PTPRG: variants seen among roughly 807,000 people sequenced by gnomAD.
PTPRG encodes protein tyrosine phosphatase receptor type G, also known as receptor-type tyrosine-protein phosphatase gamma.
PTPRG carries 102 observed loss-of-function variants against 165.3 expected under a neutral mutation model. The ratio of observed to expected loss-of-function variants is 0.62; its 90% CI spans 0.53 to 0.73. The LOEUF (loss-of-function observed/expected upper bound fraction) is 0.73, where lower values mean the gene tolerates loss of function less well. Ranked by LOEUF, PTPRG falls within the 30% of genes least tolerant of loss-of-function variation. PTPRG has a pLI of 0.00. For synonymous variants in PTPRG, 675 were observed against 669.5 expected (o/e 1.01, Z -0.13); for missense variants, 1,866 against 1,861.4 (o/e 1.00, Z -0.05).
rs1474311666 is a variant in PTPRG, at chr3:61,890,421, TTG to T, written c.191-99202_191-99201del. ...GGGTTTCTTGTTCTTTGTTTTTTTT[TTG>T]TTTTTTTTTTTTTTTAGGGTCAGGT... On this transcript the variant is annotated intron_variant, in intron 2 of 29. Coordinates refer to ENST00000474889, the MANE Select transcript of PTPRG (RefSeq NM_002841.4). Among the ~76,000 whole-genome samples the T allele has an allele frequency of 7.8e-4, 65 of 83,768 alleles. 2 individuals carry two copies. The East Asian group carries it at 0.016, about 21-fold the overall frequency. 55.0% of individuals were successfully genotyped at this position (83,768 alleles called of 152,430 possible).
At chr3:61,685,916 T>C (rs1159346921) in intron 1 of PTPRG, among the ~76,000 whole-genome samples, 1 of 152,162 alleles carries the variant, frequency 6.6e-6, no homozygotes, top group Non-Finnish European at 1.5e-5. Context: ...TGGCATATAA[T>C]GGTGTCAGAT....
chr3:61,821,488 A>G (rs2035956454), intron 2 of PTPRG, among the ~76,000 whole-genome samples: 1 of 152,134 alleles, frequency 6.6e-6, no homozygotes, highest in South Asian at 2.1e-4. Context: ...TCTTAAGTTG[A>G]CAGAAAAGGA....
chr3:61,783,598 G>T (rs1559609654), intron 2 of PTPRG, among the ~76,000 whole-genome samples: 1 of 152,162 alleles, frequency 6.6e-6, no homozygotes, highest in Non-Finnish European at 1.5e-5. Context: ...GGTTGAGGAG[G>T]GTTGAGATGG....
At chr3:62,012,713 A>G (rs1390874120) in intron 4 of PTPRG, among the ~76,000 whole-genome samples, 2 of 152,150 alleles carry the variant, frequency 1.3e-5, no homozygotes, top group African/African-American at 4.8e-5. Context: ...TCAGAGCTCA[A>G]AAAGTGTCAG....
chr3:61,568,719 C>T (rs142198882), intron 1 of PTPRG, among the ~76,000 whole-genome samples: 4 of 151,936 alleles, frequency 2.6e-5, no homozygotes, highest in Non-Finnish European at 5.9e-5. Context: ...ACCATCCTGG[C>T]CAATATAGTG....
At chr3:61,715,777 G>A (rs554830535) in intron 1 of PTPRG, among the ~76,000 whole-genome samples, 4 of 152,146 alleles carry the variant, frequency 2.6e-5, no homozygotes, top group South Asian at 2.1e-4. Context: ...AAAAGACAAC[G>A]ATGATGACAC....
intron 12 of PTPRG, among the ~76,000 whole-genome samples, chr3:62,206,121 T>G (rs1700224014): frequency 6.6e-6 from 1 of 152,122 alleles, no homozygotes; most frequent in Non-Finnish European, 1.5e-5. Context: ...TGCTGAGAGC[T>G]TAGGCTGGGA....
At chr3:61,651,797 G>A (rs1455605784) in intron 1 of PTPRG, among the ~76,000 whole-genome samples, 1 of 152,040 alleles carries the variant, frequency 6.6e-6, no homozygotes, top group African/African-American at 2.4e-5. Flanking sequence ...ATCACTTGAG[G>A]TCAGGAATTT....
chr3:61,873,133 G>T (rs1318451185), intron 2 of PTPRG, among the ~76,000 whole-genome samples: 1 of 152,100 alleles, frequency 6.6e-6, no homozygotes, highest in Non-Finnish European at 1.5e-5. Flanking sequence ...GTTAGGATCA[G>T]GTAATTTCAT....
At chr3:62,111,461 C>G (rs966732783) in intron 5 of PTPRG, among the ~76,000 whole-genome samples, 1 of 152,192 alleles carries the variant, frequency 6.6e-6, no homozygotes, top group African/African-American at 2.4e-5. Context: ...ATTTTCTTTT[C>G]TGTTTAGAGA....
intron 1 of PTPRG, among the ~76,000 whole-genome samples, chr3:61,661,983 G>C (rs1477074539): frequency 6.6e-6 from 1 of 152,096 alleles, no homozygotes; most frequent in Non-Finnish European, 1.5e-5. Context: ...TGTTGGTGTA[G>C]CTAGCGTGTT....
intron 2 of PTPRG, among the ~76,000 whole-genome samples, chr3:61,854,693 G>T (rs918989180): frequency 3.9e-5 from 6 of 152,152 alleles, no homozygotes; most frequent in African/African-American, 1.4e-4. Flanking sequence ...TTTCCCGTAA[G>T]AAGAGCAGTC....
chr3:61,850,176 T>G lies in PTPRG; in HGVS notation c.190+101194T>G, dbSNP rs1228552785. On this transcript the variant is annotated intron_variant, in intron 2 of 29. Transcript: ENST00000474889. ...TTTATTTATTTATTTTTATTTTTTA[T>G]TTTTGAAACCGAGTCTTGCTCTTTC... Among the ~76,000 whole-genome samples, 6 of 152,112 alleles carry G rather than the reference T, an allele frequency of 3.9e-5. No individual in the cohort carries two copies. In the East Asian group the frequency reaches 1.2e-3, roughly 29 times the overall value.
intron 2 of PTPRG, among the ~76,000 whole-genome samples, chr3:61,783,846 A>G (rs1239242438): frequency 6.6e-6 from 1 of 152,134 alleles, no homozygotes; most frequent in Non-Finnish European, 1.5e-5. Context: ...CCTTCATGCC[A>G]AGTTTTGGAC....
At chr3:62,106,401 A>G (rs897195034) in intron 5 of PTPRG, among the ~76,000 whole-genome samples, 23 of 152,286 alleles carry the variant, frequency 1.5e-4, no homozygotes, top group African/African-American at 5.3e-4. Context: ...ATCTCTTGTC[A>G]GATATCCAAC....
chr3:61,584,388 G>C (rs1700383021), intron 1 of PTPRG, among the ~76,000 whole-genome samples: 2 of 152,164 alleles, frequency 1.3e-5, no homozygotes, highest in Non-Finnish European at 2.9e-5. Context: ...GTGGAGGTCA[G>C]CAGTGTCTGA....
chr3:62,109,427 G>C (rs140687151), intron 5 of PTPRG, among the ~76,000 whole-genome samples: 1 of 152,112 alleles, frequency 6.6e-6, no homozygotes, highest in East Asian at 1.9e-4. Flanking sequence ...TACCAGTACC[G>C]TGCTGTTTTG....
At chr3:62,171,850 C>CCAAAAAGAAACT (rs1345129214) in intron 8 of PTPRG, among the ~76,000 whole-genome samples, 1 of 152,082 alleles carries the variant, frequency 6.6e-6, no homozygotes, top group Non-Finnish European at 1.5e-5. Context: ...TTTCATCACC[C>CCAAAAAGAAACT]CAAAAAGAAA....
intron 1 of PTPRG, among the ~76,000 whole-genome samples, chr3:61,648,435 G>A (rs891673251): frequency 2.0e-5 from 3 of 152,158 alleles, no homozygotes; most frequent in Admixed American, 6.5e-5. Flanking sequence ...GCTCCTACCA[G>A]GCTACACATT....
Sources: gnomAD v4.1 joint callset for allele counts (sites outside exome capture counted in the v4.1 genomes callset) on GRCh38, gnomAD v4.1.1 for gene constraint, MANE v1.5 for transcripts, NCBI Gene and HGNC (gene_info 2026-07-23, HGNC 2026-07-21) for gene names.